ARRDC4: variants seen among roughly 807,000 people sequenced by gnomAD.
ARRDC4 encodes arrestin domain-containing protein 4.
In ARRDC4, 40 loss-of-function variants were observed where a neutral mutation model predicts 44.6. The ratio of observed to expected loss-of-function variants is 0.90; its 90% CI spans 0.70 to 1.17. The LOEUF (loss-of-function observed/expected upper bound fraction) is 1.17, where lower values mean the gene tolerates loss of function less well. Among genes scored for constraint, ARRDC4 ranks in the 50% most tolerant of loss-of-function variants. ARRDC4 has a pLI of 0.00. For synonymous variants in ARRDC4, 211 were observed against 221.2 expected, an observed-to-expected ratio of 0.95 and a Z score of 0.41; for missense variants, 550 against 559.1, an observed-to-expected ratio of 0.98 and a Z score of 0.16.
In ARRDC4 at chr15:97,960,728, C is replaced by G. The variant is rs1899290743; in HGVS notation, c.-134C>G. ...GACAGGCCTCTCGGCGAGCCGGTGC[C>G]CCATCGGGTACCGCACGGCTGCCGC... On this transcript the variant is annotated 5_prime_UTR_variant, in exon 1 of 8. Transcript: ENST00000268042. The G allele has an allele frequency of 6.6e-6, 5 of 753,950 alleles. No homozygotes were observed. The highest frequency in any genetic ancestry group is 7.3e-6 in the Non-Finnish European group (4 of 551,082). 46.7% of individuals were successfully genotyped at this position (753,950 alleles called of 1,614,324 possible). A position where few individuals can be genotyped will look rare whatever the true frequency, so the allele number is the denominator to read the frequency against.
rs1196393903 is a variant in ARRDC4, at chr15:97,963,153, G to A, written c.307+1985G>A. On this transcript the variant is annotated intron_variant, in intron 1 of 7. Coordinates refer to ENST00000268042, the MANE Select transcript of ARRDC4 (RefSeq NM_183376.3). ...CTGTAATGGTCTTCTGCATCCCACG[G>A]CTCATCAAAACCTTTAATTATGAGC... 7.2e-5 allele frequency among the ~76,000 whole-genome samples: 11 copies of A among 152,196 alleles called. No individual in the cohort carries two copies. In the South Asian group the frequency reaches 2.3e-3, roughly 32 times the overall value.
rs1899487454 is a variant in ARRDC4, at chr15:97,970,335, GTCTTT to G, written c.1046-250_1046-246del. On this transcript the variant is annotated intron_variant, in intron 6 of 7. Transcript: ENST00000268042. The surrounding 1 kb of genome is among the most constrained non-coding windows in gnomAD (Gnocchi z 4.2). ...AACAGTCAAATGTATGGTGTGTTAT[GTCTTT>G]TCTATAGTCATATTTCAGTGATATT... is the stretch of plus-strand genomic sequence containing the variant. Among the ~76,000 whole-genome samples, 1 of 152,030 alleles carries G rather than the reference GTCTTT, an allele frequency of 6.6e-6. No individual in the cohort carries two copies. The highest frequency in any genetic ancestry group is 1.5e-5 in the Non-Finnish European group (1 of 67,988).
chr15:97,964,053 T>C (rs960794632), intron 1 of ARRDC4, among the ~76,000 whole-genome samples: 2 of 152,168 alleles, frequency 1.3e-5, no homozygotes, highest in African/African-American at 2.4e-5. Flanking sequence ...CACCCAACTG[T>C]GGAGTATTCA....
In ARRDC4 at chr15:97,960,964, G is replaced by A. The variant is rs1432511179; in HGVS notation, c.103G>A (p.Gly35Ser). The A allele has an allele frequency of 9.5e-6, 14 of 1,467,294 alleles. No homozygotes were observed. Among genetic ancestry groups the A allele is most frequent in the Non-Finnish European group, 1.3e-5 (14 of 1,108,192 alleles). 90.9% of individuals were successfully genotyped at this position (1,467,294 alleles called of 1,614,324 possible). The stretch of plus-strand genomic sequence containing the variant: ...CGAGCGCAAGGGCTGCTATTCCAGC[G>A]GCGAGACAGTGGCCGGGCACGTGCT... Reference protein sequence around the residue: ...EDERKGCYSSGETVAGHVLLE... With the variant: ...EDERKGCYSSSETVAGHVLLE... The change falls in exon 1 of 8, where the codon GGC becomes AGC. Residue 35 changes from glycine to serine, a missense_variant. Physicochemically the swap from Gly to Ser is moderately conservative, Grantham distance 56. Transcript: ENST00000268042.
rs1459969264 is a variant in ARRDC4 at position 97,973,352 on chromosome 15, CT to C, written c.*2167del. ...TTGAAGTGAAACTATCTCTGTAGGA[CT>C]TAAGAGAATAGCTAAAAGGTGTGAC... On this transcript the variant is annotated 3_prime_UTR_variant, in exon 8 of 8. Transcript: ENST00000268042. 6.6e-6 allele frequency: 1 copy of C among 152,506 alleles called. No homozygotes were observed. Among genetic ancestry groups the C allele is most frequent in the Non-Finnish European group, 1.5e-5 (1 of 68,016 alleles). 9.4% of individuals were successfully genotyped at this position (152,506 alleles called of 1,614,324 possible).
Position 97,972,291 on chromosome 15 carries a change from A to G in ARRDC4, c.*1104A>G, listed in dbSNP as rs1323129443. On this transcript the variant is annotated 3_prime_UTR_variant, in exon 8 of 8. Coordinates refer to ENST00000268042, the MANE Select transcript of ARRDC4 (RefSeq NM_183376.3). This position sits in a 1 kb window ranked among gnomAD's most constrained non-coding sequence, Gnocchi z 5.3. ...CAAACCAAAAGAAGGTAGGAGTGCCATTTTTAGAAAAGACACAACTTTAAT... is the reference window on the plus strand; with the variant it reads ...CAAACCAAAAGAAGGTAGGAGTGCCGTTTTTAGAAAAGACACAACTTTAAT... 1 of 152,598 alleles carries G rather than the reference A, an allele frequency of 6.6e-6. No homozygotes were observed. Among genetic ancestry groups the G allele is most frequent in the Admixed American group, 6.5e-5 (1 of 15,274 alleles). The allele number at this position is 152,598 out of a possible 1,614,324, so 9.5% of individuals were successfully genotyped here.
At position 97,970,321 on chromosome 15, in the gene ARRDC4, G is replaced by A. The variant is rs1424132105; in HGVS notation, c.1046-268G>A. Among the ~76,000 whole-genome samples, 3 of 152,094 alleles carry A rather than the reference G, an allele frequency of 2.0e-5. No individual in the cohort carries two copies. Among genetic ancestry groups the A allele is most frequent in the Non-Finnish European group, 2.9e-5 (2 of 68,010 alleles). On this transcript the variant is annotated intron_variant, in intron 6 of 7. Coordinates refer to ENST00000268042, the MANE Select transcript of ARRDC4 (RefSeq NM_183376.3). This position sits in a 1 kb window ranked among gnomAD's most constrained non-coding sequence, Gnocchi z 4.2. Reference sequence around the variant, plus strand: ...GGAAAACAATGAAAAACAGTCAAATGTATGGTGTGTTATGTCTTTTCTATA... The same window carrying A: ...GGAAAACAATGAAAAACAGTCAAATATATGGTGTGTTATGTCTTTTCTATA...
rs966256588 is a variant in ARRDC4 at position 97,967,789 on chromosome 15, A to G, written c.523-225A>G. On this transcript the variant is annotated intron_variant, in intron 3 of 7. Transcript: ENST00000268042. The surrounding 1 kb of genome is among the most constrained non-coding windows in gnomAD (Gnocchi z 5.0). Reference sequence around the variant, plus strand: ...GGGTAAAATAAGATGGTGTCATGCTAATTTTTGAATCTGAAAATTCACTGT... The same window carrying G: ...GGGTAAAATAAGATGGTGTCATGCTGATTTTTGAATCTGAAAATTCACTGT... 1.3e-5 allele frequency among the ~76,000 whole-genome samples: 2 copies of G among 152,022 alleles called. No homozygotes were observed. The highest frequency in any genetic ancestry group is 2.9e-5 in the Non-Finnish European group (2 of 67,982).
In ARRDC4 at chr15:97,965,013, C is replaced by A. The variant is rs922656207; in HGVS notation, c.308-587C>A. 6.7e-6 allele frequency among the ~76,000 whole-genome samples: 1 copy of A among 150,326 alleles called. No individual in the cohort carries two copies. The highest frequency in any genetic ancestry group is 1.5e-5 in the Non-Finnish European group (1 of 66,986). ...ATTTTTACATACACACACACACACACACACATATACATATCCATATACACA... is the reference window on the plus strand; with the variant it reads ...ATTTTTACATACACACACACACACAAACACATATACATATCCATATACACA... On this transcript the variant is annotated intron_variant, in intron 1 of 7. Transcript: ENST00000268042. The surrounding 1 kb of genome is among the most constrained non-coding windows in gnomAD (Gnocchi z 5.1).
chr15:97,961,550 C>T (rs568929978), intron 1 of ARRDC4, among the ~76,000 whole-genome samples: 1 of 152,312 alleles, frequency 6.6e-6, no homozygotes, highest in African/African-American at 2.4e-5. Context: ...TCTGCGGTGC[C>T]CGTGTCCTAT....
At chr15:97,969,856 C>CTTTTT in intron 5 of ARRDC4, 27 bp from the exon 6 acceptor site, 4 of 1,352,676 alleles carry the variant, frequency 3.0e-6, no homozygotes, top group South Asian at 1.6e-5. Flanking sequence ...GTTCCTTTCT[C>CTTTTT]TTTTTTTTTT....
chr15:97,970,443 T>C lies in ARRDC4; in HGVS notation c.1046-146T>C, dbSNP rs148146967. 225 of 746,344 alleles carry C rather than the reference T, an allele frequency of 3.0e-4. No homozygotes were observed. Among genetic ancestry groups the C allele is most frequent in the Non-Finnish European group, 4.1e-4 (194 of 476,792 alleles). 46.2% of individuals were successfully genotyped at this position (746,344 alleles called of 1,614,324 possible). Reference sequence around the variant, plus strand: ...TAAAAGGAGAATCTATTTTTTATTGTAATATGCATAAAACCTTGCTGATTA... The same window carrying C: ...TAAAAGGAGAATCTATTTTTTATTGCAATATGCATAAAACCTTGCTGATTA... On this transcript the variant is annotated intron_variant, in intron 6 of 7. Transcript: ENST00000268042. The surrounding 1 kb of genome is among the most constrained non-coding windows in gnomAD (Gnocchi z 4.2).
At chr15:97,969,454 G>A in intron 5 of ARRDC4, 75 bp downstream of exon 5, 1 of 1,512,314 alleles carries the variant, frequency 6.6e-7, no homozygotes, top group Non-Finnish European at 9.0e-7. Flanking sequence ...TGGGTATGTA[G>A]AGTTGCCTAT....
In ARRDC4 at chr15:97,970,710, A is replaced by G. The variant is rs759853831; in HGVS notation, c.1167A>G (p.Glu389=). ...GTCCTGTGTTTGCCTGTATACAAGA[A>G]TTCCGGTTTCAACCCCCACCTCTTT... ...VCCPVFACIQ[E]FRFQPPPLYS... The change falls in exon 7 of 8, where the codon GAA becomes GAG. Residue 389 remains glutamate, a synonymous_variant. Coordinates refer to ENST00000268042, the MANE Select transcript of ARRDC4 (RefSeq NM_183376.3). This position sits in a 1 kb window ranked among gnomAD's most constrained non-coding sequence, Gnocchi z 4.2. The G allele has an allele frequency of 2.5e-6, 4 of 1,613,424 alleles. No homozygotes were observed. The highest frequency in any genetic ancestry group is 3.4e-6 in the Non-Finnish European group (4 of 1,179,640).
At chr15:97,964,208 G>T (rs574776582) in intron 1 of ARRDC4, among the ~76,000 whole-genome samples, 5 of 152,140 alleles carry the variant, frequency 3.3e-5, no homozygotes, top group African/African-American at 1.2e-4. Context: ...CAGCTGACTT[G>T]GTTAAGGTCA....
chr15:97,969,405 A>C (rs1363917290), intron 5 of ARRDC4, 26 bp downstream of exon 5: 22 of 1,609,194 alleles, frequency 1.4e-5, no homozygotes, highest in Non-Finnish European at 1.8e-5. Flanking sequence ...TTTTAAAAAA[A>C]AATGTGTATG....
rs1567193588 is a variant in ARRDC4, at chr15:97,965,886, T to G, written c.375-9T>G. 1 of 1,611,346 alleles carries G rather than the reference T, an allele frequency of 6.2e-7. No homozygotes were observed. The stretch of plus-strand genomic sequence containing the variant: ...TAAACTCATAATTAATGTCTTTGGT[T>G]GGTTTCAGACCTTTGGTCACCTCGT... On this transcript the variant is annotated splice_polypyrimidine_tract_variant and intron_variant, in intron 2 of 7. Transcript: ENST00000268042. This position sits in a 1 kb window ranked among gnomAD's most constrained non-coding sequence, Gnocchi z 5.1.
chr15:97,961,819 C>A (rs1369462018), intron 1 of ARRDC4, among the ~76,000 whole-genome samples: 1 of 152,126 alleles, frequency 6.6e-6, no homozygotes, highest in Non-Finnish European at 1.5e-5. Context: ...CCCGCTTCTT[C>A]CCCTCTCCCC....
In ARRDC4 at chr15:97,965,475, T is replaced by C. The variant is rs561957997; in HGVS notation, c.308-125T>C. The C allele has an allele frequency of 5.2e-6, 4 of 763,462 alleles. No homozygotes were observed. In the East Asian group the frequency reaches 1.0e-4, roughly 19 times the overall value. The allele number at this position is 763,462 out of a possible 1,614,324, so 47.3% of individuals were successfully genotyped here. On this transcript the variant is annotated intron_variant, in intron 1 of 7. Transcript: ENST00000268042. This position sits in a 1 kb window ranked among gnomAD's most constrained non-coding sequence, Gnocchi z 5.1. ...AACTTAATTCTCTACATTTGTTTAA[T>C]GAACTTTTGGAGTATGCTGCATTTT...
Sources: allele counts gnomAD v4.1 joint callset (sites outside exome capture counted in the v4.1 genomes callset), GRCh38; gene constraint gnomAD v4.1.1; non-coding constraint Gnocchi (gnomAD v3.1); transcripts MANE v1.5; gene names NCBI Gene and HGNC (gene_info 2026-07-23, HGNC 2026-07-21).